The following COL5A2 variants were observed in gnomAD, a reference collection of about 807,000 sequenced individuals.
The protein encoded by COL5A2 is collagen type V alpha 2 chain.
In COL5A2, 23 loss-of-function variants were observed where a neutral mutation model predicts 208.2. That is an observed-to-expected ratio of 0.11 (90% CI 0.08 to 0.16). The LOEUF (loss-of-function observed/expected upper bound fraction) is 0.16, where lower values mean the gene tolerates loss of function less well. COL5A2 is among the 10% of genes least tolerant of loss of function. The pLI, the probability that COL5A2 is intolerant of heterozygous loss-of-function variation, is 1.00. For synonymous variants in COL5A2, 625 were observed against 628.5 expected (o/e 0.99, Z 0.08); for missense variants, 1,590 against 1,956.4 (o/e 0.81, Z 3.53).
rs372897632 is a variant in COL5A2, at chr2:189,039,284, C to T, written c.3913G>A (p.Ala1305Thr). ...TCDDLKLCHS[A>T]KQSGEYWIDP... ...GCTGTCTACTCACCACTCTGCTTTG[C>T]GGAATGGCAAAGCTTTAGGTCATCA... Residue 1305 changes from alanine (A) to threonine (T), a missense_variant, in exon 51 of 54, where the codon GCA becomes ACA. Transcript: ENST00000374866. 21 of 1,613,784 alleles carry T rather than the reference C, an allele frequency of 1.3e-5. No individual in the cohort carries two copies. Among genetic ancestry groups the T allele is most frequent in the Middle Eastern group, 1.6e-4 (1 of 6,078 alleles).
intron 1 of COL5A2, among the ~76,000 whole-genome samples, chr2:189,171,188 G>T (rs1183633704): frequency 5.3e-5 from 8 of 152,100 alleles, no homozygotes; most frequent in Non-Finnish European, 1.0e-4. Flanking sequence ...GGCTGAGAAT[G>T]ACAGTTGATG....
intron 1 of COL5A2, among the ~76,000 whole-genome samples, chr2:189,220,849 GATC>G (rs1452592656): frequency 6.6e-6 from 1 of 152,134 alleles, no homozygotes; most frequent in Non-Finnish European, 1.5e-5. Context: ...CTCGTACCCT[GATC>G]ATTTTTTATA....
At chr2:189,207,218 GA>G (rs1689153217) in intron 1 of COL5A2, among the ~76,000 whole-genome samples, 1 of 152,100 alleles carries the variant, frequency 6.6e-6, no homozygotes, top group African/African-American at 2.4e-5. Context: ...AGAGGAATGT[GA>G]ATTGGAGTTT....
At chr2:189,204,985 T>G (rs1039128153) in intron 1 of COL5A2, among the ~76,000 whole-genome samples, 1 of 152,192 alleles carries the variant, frequency 6.6e-6, no homozygotes, top group African/African-American at 2.4e-5. Flanking sequence ...CTGTAGTTTT[T>G]CACACCTGGA....
chr2:189,352,111 C>T, the COL5A2 span, among the ~76,000 whole-genome samples: 1 of 152,144 alleles, frequency 6.6e-6, no homozygotes, highest in South Asian at 2.1e-4. Flanking sequence ...TCATCCATTT[C>T]CCTGCAAAGG....
the COL5A2 span, among the ~76,000 whole-genome samples, chr2:189,293,036 A>T: frequency 0.038 from 5,835 of 151,586 alleles, 126 homozygotes; most frequent in Admixed American, 0.051. Context: ...TTCTCACTCA[A>T]AGGTGGGAAT....
chr2:189,105,750 T>G (rs1251855394), intron 2 of COL5A2, among the ~76,000 whole-genome samples: 1 of 151,486 alleles, frequency 6.6e-6, no homozygotes, highest in East Asian at 1.9e-4. Flanking sequence ...ATAAAGAAAT[T>G]ATCCTATGTT....
chr2:189,241,729 A>G, the COL5A2 span, among the ~76,000 whole-genome samples: 1 of 152,210 alleles, frequency 6.6e-6, no homozygotes, highest in Non-Finnish European at 1.5e-5. Context: ...TTATTCTCTT[A>G]GCTACTACAT....
At position 189,059,962 on chromosome 2, in the gene COL5A2, G is replaced by A. The variant is rs138934617; in HGVS notation, c.2085+768C>T. ...ATCAAATTAAAGCCCTCCATAATCA[G>A]GCCCCTGAGTCACCCTGCAGCCCCC... On this transcript the variant is annotated intron_variant, in intron 31 of 53. Transcript: ENST00000374866. 6.0e-3 allele frequency among the ~76,000 whole-genome samples: 910 copies of A among 151,912 alleles called. 10 individuals carry two copies. The highest frequency in any genetic ancestry group is 0.021 in the African/African-American group (850 of 41,414).
At chr2:189,037,268 T>C (rs982631873) in intron 51 of COL5A2, among the ~76,000 whole-genome samples, 8 of 152,190 alleles carry the variant, frequency 5.3e-5, no homozygotes, top group Admixed American at 3.3e-4. Context: ...ATCATTTCAT[T>C]AGATCTTTTT....
chr2:189,073,123 C>A (rs1388639765), intron 17 of COL5A2, among the ~76,000 whole-genome samples: 2 of 152,058 alleles, frequency 1.3e-5, no homozygotes, highest in African/African-American at 4.8e-5. Context: ...TGGCTAATAG[C>A]TTTAAATTTA....
the COL5A2 span, among the ~76,000 whole-genome samples, chr2:189,274,673 G>C: frequency 6.6e-6 from 1 of 151,932 alleles, no homozygotes; most frequent in Non-Finnish European, 1.5e-5. Context: ...AAGTGCTTAA[G>C]GAAAGTTACT....
chr2:189,147,778 T>C (rs541257811), intron 1 of COL5A2, among the ~76,000 whole-genome samples: 25 of 152,248 alleles, frequency 1.6e-4, no homozygotes, highest in African/African-American at 5.8e-4. Context: ...GAGTGCTTCT[T>C]TACCTTGCAG....
the COL5A2 span, among the ~76,000 whole-genome samples, chr2:189,326,448 A>G: frequency 6.6e-6 from 1 of 152,084 alleles, no homozygotes; most frequent in Non-Finnish European, 1.5e-5. Flanking sequence ...TAATCCCAGC[A>G]CTTTGGGAAG....
the COL5A2 span, among the ~76,000 whole-genome samples, chr2:189,256,249 T>A: frequency 6.6e-6 from 1 of 152,170 alleles, no homozygotes; most frequent in Non-Finnish European, 1.5e-5. Context: ...GAGAGCACTA[T>A]CCTTTGAAAA....
At chr2:189,409,907 T>C in the COL5A2 span, among the ~76,000 whole-genome samples, 5 of 152,144 alleles carry the variant, frequency 3.3e-5, no homozygotes, top group African/African-American at 1.2e-4. Context: ...TTAGAATCTG[T>C]TTGCTTTATA....
chr2:189,397,736 C>T, the COL5A2 span, among the ~76,000 whole-genome samples: 2 of 152,012 alleles, frequency 1.3e-5, no homozygotes, highest in East Asian at 1.9e-4. Flanking sequence ...ATTTATCAAA[C>T]TTATTACTCT....
rs72906317 is a variant in COL5A2, at chr2:189,092,128, C to A, written c.567+182G>T. ...GCAGTACTTTAGAAAATACTTCTTCCAATTTTTCCAACAATTCCCTGTGGG... is the reference window on the plus strand; with the variant it reads ...GCAGTACTTTAGAAAATACTTCTTCAAATTTTTCCAACAATTCCCTGTGGG... On this transcript the variant is annotated intron_variant, in intron 7 of 53. Coordinates refer to ENST00000374866, the MANE Select transcript of COL5A2 (RefSeq NM_000393.5). Among the ~76,000 whole-genome samples, 20,066 of 152,152 alleles carry A rather than the reference C, an allele frequency of 0.13. 1,357 individuals carry two copies. The highest frequency in any genetic ancestry group is 0.19 in the Middle Eastern group (56 of 294).
In COL5A2 at chr2:189,064,987, T is replaced by C. The variant is rs1686116787; in HGVS notation, c.1617+17A>G. ...GCACCCCCCACGTAAGTATCAACATTGACAGGGCAACCTCACCTTTGGCCC... is the reference window on the plus strand; with the variant it reads ...GCACCCCCCACGTAAGTATCAACATCGACAGGGCAACCTCACCTTTGGCCC... On this transcript the variant is annotated intron_variant, in intron 24 of 53. Transcript: ENST00000374866. 9 of 1,613,216 alleles carry C rather than the reference T, an allele frequency of 5.6e-6. No individual in the cohort carries two copies. The highest frequency in any genetic ancestry group is 6.8e-6 in the Non-Finnish European group (8 of 1,179,594).
Sources: gnomAD v4.1 joint callset for allele counts (sites outside exome capture counted in the v4.1 genomes callset) on GRCh38, gnomAD v4.1.1 for gene constraint, MANE v1.5 for transcripts, NCBI Gene and HGNC (gene_info 2026-07-23, HGNC 2026-07-21) for gene names.